PEBP1: variants seen among roughly 807,000 people sequenced by gnomAD.
PEBP1 encodes phosphatidylethanolamine binding protein 1.
A neutral mutation model predicts 22.7 loss-of-function variants in PEBP1; 17 were observed. The ratio of observed to expected loss-of-function variants is 0.75; its 90% CI spans 0.51 to 1.12. The LOEUF is 1.12. Among genes scored for constraint, PEBP1 ranks in the 50% most tolerant of loss-of-function variants. PEBP1 has a pLI of 0.00. For synonymous variants in PEBP1, 106 were observed against 104.3 expected (o/e 1.02, Z -0.10); for missense variants, 205 against 243.5 (o/e 0.84, Z 1.05).
chr12:118,138,223 A>AC, intron 2 of PEBP1, 75 bp downstream of exon 2: 1 of 1,000,632 alleles, frequency 1.0e-6, no homozygotes, highest in African/African-American at 1.6e-5. Context: ...TGCTGGACAC[A>AC]GAGAAGTAGA....
intron 3 of PEBP1, among the ~76,000 whole-genome samples, 170 bp downstream of exon 3, chr12:118,139,721 G>C (rs1362357887): frequency 1.3e-5 from 2 of 152,198 alleles, no homozygotes; most frequent in Non-Finnish European, 2.9e-5. Flanking sequence ...AGCAGTGTCA[G>C]GTGGCTAGAG....
chr12:118,138,049 G>A lies in PEBP1; in HGVS notation c.146G>A (p.Arg49Lys). ...KVLTPTQVKNRPTSISWDGLD... is the reference protein window; with the variant it reads ...KVLTPTQVKNKPTSISWDGLD... ...GGTTCCTTCATACAGGTTAAGAATA[G>A]ACCCACCAGCATTTCGTGGGATGGT... The change falls in exon 2 of 4, where the codon AGA becomes AAA. Residue 49 changes from arginine to lysine, a missense_variant. By Grantham distance (26) the Arg-to-Lys change is conservative. Coordinates refer to ENST00000261313, the MANE Select transcript of PEBP1 (RefSeq NM_002567.4). 6.2e-7 allele frequency: 1 copy of A among 1,612,234 alleles called. No individual in the cohort carries two copies. Among genetic ancestry groups the A allele is most frequent in the Non-Finnish European group, 8.5e-7 (1 of 1,178,634 alleles).
intron 2 of PEBP1, 145 bp downstream of exon 2, chr12:118,138,293 C>T: frequency 1.6e-6 from 1 of 642,570 alleles, no homozygotes; most frequent in East Asian, 2.7e-5. Context: ...TGCCCTTTTG[C>T]CCCCCTACAG....
chr12:118,137,987 A>T, intron 1 of PEBP1, 52 bp from the exon 2 acceptor site: 1 of 1,246,346 alleles, frequency 8.0e-7, no homozygotes, highest in Non-Finnish European at 1.2e-6. Flanking sequence ...ACACCCAGCC[A>T]GTTTCTTCAG....
At chr12:118,137,250 C>T (rs1023985871) in intron 1 of PEBP1, among the ~76,000 whole-genome samples, 4 of 152,148 alleles carry the variant, frequency 2.6e-5, no homozygotes, top group Non-Finnish European at 4.4e-5. Flanking sequence ...GTAAGGGTGT[C>T]GTTGAGAGGG....
chr12:118,136,641 C>T lies in PEBP1; in HGVS notation c.135+297C>T, dbSNP rs1364358678. Among the ~76,000 whole-genome samples, 1 of 152,190 alleles carries T rather than the reference C, an allele frequency of 6.6e-6. No homozygotes were observed. Among genetic ancestry groups the T allele is most frequent in the African/African-American group, 2.4e-5 (1 of 41,458 alleles). ...TAGGTTCGGAAACAGGCCGGATCCC[C>T]CTCTCCCCCCACAGGCCAGGGCGCT... On this transcript the variant is annotated intron_variant, in intron 1 of 3. Coordinates refer to ENST00000261313, the MANE Select transcript of PEBP1 (RefSeq NM_002567.4). This position sits in a 1 kb window ranked among gnomAD's most constrained non-coding sequence, Gnocchi z 5.6.
At position 118,136,861 on chromosome 12, in the gene PEBP1, G is replaced by C. The variant is rs1015107028; in HGVS notation, c.135+517G>C. On this transcript the variant is annotated intron_variant, in intron 1 of 3. Coordinates refer to ENST00000261313, the MANE Select transcript of PEBP1 (RefSeq NM_002567.4). This position sits in a 1 kb window ranked among gnomAD's most constrained non-coding sequence, Gnocchi z 5.6. Reference sequence around the variant, plus strand: ...TTAAATGGGTCGAGAGCGTCCAGCCGGTACGCTGGAGGGCAACGGTTTAGT... The same window carrying C: ...TTAAATGGGTCGAGAGCGTCCAGCCCGTACGCTGGAGGGCAACGGTTTAGT... 1.3e-5 allele frequency among the ~76,000 whole-genome samples: 2 copies of C among 152,194 alleles called. No individual in the cohort carries two copies. Among genetic ancestry groups the C allele is most frequent in the Non-Finnish European group, 2.9e-5 (2 of 68,032 alleles).
Position 118,144,609 on chromosome 12 carries a change from G to A in PEBP1, c.370G>A (p.Val124Ile). The A allele has an allele frequency of 6.2e-7, 1 of 1,613,660 alleles. No homozygotes were observed. Among genetic ancestry groups the A allele is most frequent in the South Asian group, 1.1e-5 (1 of 90,970 alleles). ...AGGCCTCCACCGCTATGTCTGGCTG[G>A]TTTACGAGCAGGACAGGCCGCTAAA... The part of the protein sequence containing the change: ...GTGLHRYVWL[V>I]YEQDRPLKCD... Residue 124 changes from valine to isoleucine, a missense_variant, in exon 4 of 4, where the codon GTT (valine) becomes ATT (isoleucine). By Grantham distance (29) the Val-to-Ile change is conservative. Coordinates refer to ENST00000261313, the MANE Select transcript of PEBP1 (RefSeq NM_002567.4).
chr12:118,136,390 C>A lies in PEBP1; in HGVS notation c.135+46C>A. 2 of 1,511,210 alleles carry A rather than the reference C, an allele frequency of 1.3e-6. No individual in the cohort carries two copies. The highest frequency in any genetic ancestry group is 2.5e-5 in the East Asian group (1 of 40,094). The allele number at this position is 1,511,210 out of a possible 1,614,324, so 93.6% of individuals were successfully genotyped here. A position where few individuals can be genotyped will look rare whatever the true frequency, so the allele number is the denominator to read the frequency against. On this transcript the variant is annotated intron_variant, in intron 1 of 3. Transcript: ENST00000261313. This position sits in a 1 kb window ranked among gnomAD's most constrained non-coding sequence, Gnocchi z 5.6. ...GCAGCGAGCGGCACGGCGCGGAGGC[C>A]TGTGCCGGCCTCCTGGGTGGGACCC...
chr12:118,142,795 G>A (rs1383663241), intron 3 of PEBP1, among the ~76,000 whole-genome samples: 1 of 141,468 alleles, frequency 7.1e-6, no homozygotes, highest in Non-Finnish European at 1.5e-5. Flanking sequence ...CCATTTTTAA[G>A]TGTACACTAC....
In PEBP1 at chr12:118,136,398, G is replaced by T; in HGVS notation, c.135+54G>T. The T allele has an allele frequency of 6.6e-7, 1 of 1,505,234 alleles. No individual in the cohort carries two copies. Among genetic ancestry groups the T allele is most frequent in the Non-Finnish European group, 8.8e-7 (1 of 1,132,870 alleles). The allele number at this position is 1,505,234 out of a possible 1,614,324, so 93.2% of individuals were successfully genotyped here. A position where few individuals can be genotyped will look rare whatever the true frequency, so the allele number is the denominator to read the frequency against. ...CGGCACGGCGCGGAGGCCTGTGCCG[G>T]CCTCCTGGGTGGGACCCAGCGGAGA... is the stretch of plus-strand genomic sequence containing the variant. On this transcript the variant is annotated intron_variant, in intron 1 of 3. Coordinates refer to ENST00000261313, the MANE Select transcript of PEBP1 (RefSeq NM_002567.4). This position sits in a 1 kb window ranked among gnomAD's most constrained non-coding sequence, Gnocchi z 5.6.
chr12:118,136,224 C>T lies in PEBP1; in HGVS notation c.15C>T (p.Leu5=). 6.5e-7 allele frequency: 1 copy of T among 1,546,536 alleles called. No homozygotes were observed. The highest frequency in any genetic ancestry group is 8.7e-7 in the Non-Finnish European group (1 of 1,146,546). Residue 5 remains leucine (L), a synonymous_variant, in exon 1 of 4, where the codon CTC becomes CTT. Transcript: ENST00000261313. This position sits in a 1 kb window ranked among gnomAD's most constrained non-coding sequence, Gnocchi z 5.6. ...TTGGCCTCGCCATGCCGGTGGACCT[C>T]AGCAAGTGGTCCGGGCCCTTGAGCC... MPVD[L]SKWSGPLSLQ...
Position 118,144,862 on chromosome 12 carries a change from G to A in PEBP1, c.*59G>A. 6.2e-7 allele frequency: 1 copy of A among 1,610,048 alleles called. No individual in the cohort carries two copies. Among genetic ancestry groups the A allele is most frequent in the East Asian group, 2.2e-5 (1 of 44,860 alleles). On this transcript the variant is annotated 3_prime_UTR_variant, in exon 4 of 4. Transcript: ENST00000261313. ...GCCCCAAGCCATGTTCCCCAGTTCAGTGTTGCATGTATAATAGATTTCTCC... is the reference window on the plus strand; with the variant it reads ...GCCCCAAGCCATGTTCCCCAGTTCAATGTTGCATGTATAATAGATTTCTCC...
At chr12:118,142,768 C>T (rs1024672206) in intron 3 of PEBP1, among the ~76,000 whole-genome samples, 7 of 150,682 alleles carry the variant, frequency 4.6e-5, no homozygotes, top group African/African-American at 1.5e-4. Context: ...TGAGCCACTG[C>T]GCCCCCTCCA....
intron 2 of PEBP1, chr12:118,139,165 T>G (rs746432679): frequency 1.5e-5 from 5 of 328,276 alleles, no homozygotes; most frequent in Non-Finnish European, 2.4e-5. Flanking sequence ...ATACGAAAAT[T>G]AGCCAGGCAT....
At chr12:118,142,765 C>G (rs2034124783) in intron 3 of PEBP1, among the ~76,000 whole-genome samples, 1 of 151,156 alleles carries the variant, frequency 6.6e-6, no homozygotes, top group African/African-American at 2.4e-5. Flanking sequence ...GTGTGAGCCA[C>G]TGCGCCCCCT....
At position 118,138,082 on chromosome 12, in the gene PEBP1, C is replaced by G; in HGVS notation, c.179C>G (p.Ser60Ter). 6.2e-7 allele frequency: 1 copy of G among 1,613,936 alleles called. No homozygotes were observed. The highest frequency in any genetic ancestry group is 8.5e-7 in the Non-Finnish European group (1 of 1,179,926). The change falls in exon 2 of 4, where the codon TCA becomes TGA. Residue 60 changes from serine (S) to a stop codon, truncating the protein, a stop_gained. Coordinates refer to ENST00000261313, the MANE Select transcript of PEBP1 (RefSeq NM_002567.4). LOFTEE classifies it high-confidence loss of function. ...PTSISWDGLD[S>*]GKLYTLVLTD... ...AGCATTTCGTGGGATGGTCTTGATT[C>G]AGGGAAGCTCTACACCTTGGTCCTG... is the stretch of plus-strand genomic sequence containing the variant.
intron 3 of PEBP1, among the ~76,000 whole-genome samples, chr12:118,143,733 A>G (rs1216838457): frequency 6.6e-6 from 1 of 152,088 alleles, no homozygotes; most frequent in African/African-American, 2.4e-5. Flanking sequence ...TACTAAAAAT[A>G]CAAAAACAAA....
In PEBP1 at chr12:118,136,545, C is replaced by T. The variant is rs1055714575; in HGVS notation, c.135+201C>T. ...CGAGCACCGGGAACCCGGCCTGTGGCGTGGCCAGGCAGGTTCGGCCTGCGG... is the reference window on the plus strand; with the variant it reads ...CGAGCACCGGGAACCCGGCCTGTGGTGTGGCCAGGCAGGTTCGGCCTGCGG... On this transcript the variant is annotated intron_variant, in intron 1 of 3. Transcript: ENST00000261313. The surrounding 1 kb of genome is among the most constrained non-coding windows in gnomAD (Gnocchi z 5.6). 2.0e-5 allele frequency among the ~76,000 whole-genome samples: 3 copies of T among 152,248 alleles called. No homozygotes were observed. Among genetic ancestry groups the T allele is most frequent in the African/African-American group, 7.2e-5 (3 of 41,474 alleles).
Sources: gnomAD v4.1 joint callset for allele counts (sites outside exome capture counted in the v4.1 genomes callset) on GRCh38, gnomAD v4.1.1 for gene constraint, Gnocchi (gnomAD v3.1) non-coding constraint, MANE v1.5 for transcripts, NCBI Gene and HGNC (gene_info 2026-07-23, HGNC 2026-07-21) for gene names.